GRIK1: variants seen among roughly 807,000 people sequenced by gnomAD.
The protein encoded by GRIK1 is glutamate receptor ionotropic, kainate 1.
A neutral mutation model predicts 105.7 loss-of-function variants in GRIK1; 69 were observed. The ratio of observed to expected loss-of-function variants is 0.65; its 90% CI spans 0.54 to 0.80. The LOEUF (loss-of-function observed/expected upper bound fraction) is 0.80, where lower values mean the gene tolerates loss of function less well. Ranked by LOEUF, GRIK1 falls within the 30% of genes least tolerant of loss-of-function variation. GRIK1 has a pLI of 0.00. For missense variants in GRIK1, 1,109 were observed against 1,167.3 expected (o/e 0.95, Z 0.73); for synonymous variants, 438 against 431.3 (o/e 1.02, Z -0.19).
At chr21:29,669,622 G>A (rs574080601) in intron 4 of GRIK1, among the ~76,000 whole-genome samples, 2 of 152,236 alleles carry the variant, frequency 1.3e-5, no homozygotes, top group South Asian at 4.2e-4. Flanking sequence ...GACCTTATAT[G>A]GGTCACTTAT....
chr21:29,560,380 C>CTTT (rs1568813803), intron 15 of GRIK1, among the ~76,000 whole-genome samples: 7 of 51,602 alleles, frequency 1.4e-4, no homozygotes, highest in African/African-American at 2.0e-4. Flanking sequence ...TTCCTTCCTT[C>CTTT]CTTCCTTCCT....
chr21:29,874,068 G>C (rs1435977774), intron 1 of GRIK1, among the ~76,000 whole-genome samples: 1 of 152,188 alleles, frequency 6.6e-6, no homozygotes, highest in Admixed American at 6.5e-5. Flanking sequence ...GATACTGCGA[G>C]TGACGGGGAC....
At chr21:29,628,364 C>T (rs1001380440) in intron 7 of GRIK1, among the ~76,000 whole-genome samples, 5 of 152,156 alleles carry the variant, frequency 3.3e-5, no homozygotes, top group Non-Finnish European at 7.4e-5. Context: ...ATTATTTTAA[C>T]TATTATGTGT....
chr21:29,857,206 A>T (rs2146075577), intron 1 of GRIK1, among the ~76,000 whole-genome samples: 1 of 152,336 alleles, frequency 6.6e-6, no homozygotes, highest in East Asian at 1.9e-4. Flanking sequence ...GAAAGCTATC[A>T]TGGTAGCCCA....
At chr21:29,575,348 A>G (rs1450588816) in intron 14 of GRIK1, among the ~76,000 whole-genome samples, 2 of 152,124 alleles carry the variant, frequency 1.3e-5, no homozygotes, top group Non-Finnish European at 2.9e-5. Context: ...GACAGATGAG[A>G]AATTACTTAA....
In GRIK1 at chr21:29,705,599, G is replaced by A. The variant is rs564074086; in HGVS notation, c.119-11536C>T. Among the ~76,000 whole-genome samples, 85 of 152,278 alleles carry A rather than the reference G, an allele frequency of 5.6e-4. 1 individual carries two copies. The highest frequency in any genetic ancestry group is 1.1e-3 in the Non-Finnish European group (72 of 68,018). ...ATATTGTTCTTGTGCTAATTTTAAT[G>A]AAAAGTTAGACATCAGGTTCTTGAT... On this transcript the variant is annotated intron_variant, in intron 1 of 17. Coordinates refer to ENST00000327783, the MANE Select transcript of GRIK1 (RefSeq NM_001330994.2).
intron 7 of GRIK1, among the ~76,000 whole-genome samples, chr21:29,604,047 A>G (rs1185672083): frequency 6.6e-6 from 1 of 152,164 alleles, no homozygotes; most frequent in East Asian, 1.9e-4. Context: ...TTTATCTCTT[A>G]GGGGAGCATA....
chr21:29,874,780 C>T (rs377466119), intron 1 of GRIK1, among the ~76,000 whole-genome samples: 1 of 152,116 alleles, frequency 6.6e-6, no homozygotes, highest in Non-Finnish European at 1.5e-5. Flanking sequence ...ATGTGAGAGA[C>T]AGAATAAAGC....
chr21:29,680,809 TAGA>T (rs779344527), intron 3 of GRIK1, among the ~76,000 whole-genome samples: 22 of 152,132 alleles, frequency 1.4e-4, no homozygotes, highest in Admixed American at 6.5e-5. Flanking sequence ...CAGACAAATA[TAGA>T]AGAAGTGCTT....
chr21:29,695,455 T>C (rs1010531573), intron 1 of GRIK1, among the ~76,000 whole-genome samples: 2 of 143,968 alleles, frequency 1.4e-5, no homozygotes, highest in Non-Finnish European at 3.1e-5. Flanking sequence ...TATCTATCTA[T>C]CTATCTATCT....
chr21:29,805,992 T>G (rs899113509), intron 1 of GRIK1, among the ~76,000 whole-genome samples: 1 of 151,986 alleles, frequency 6.6e-6, no homozygotes, highest in Non-Finnish European at 1.5e-5. Context: ...AATCACAGAG[T>G]AATAAAAAAC....
At position 29,938,905 on chromosome 21, in the gene GRIK1, C is replaced by T. The variant is rs189168911; in HGVS notation, c.118+478G>A. ...CTGGGGTAACAGGCTCTAGGATATT[C>T]CCACATCCCTAGTGGTCCCTGTATT... On this transcript the variant is annotated intron_variant, in intron 1 of 17. Coordinates refer to ENST00000327783, the MANE Select transcript of GRIK1 (RefSeq NM_001330994.2). Among the ~76,000 whole-genome samples the T allele has an allele frequency of 3.7e-3, 564 of 152,238 alleles. 7 individuals are homozygous for T. Among genetic ancestry groups the T allele is most frequent in the Admixed American group, 3.6e-3 (55 of 15,294 alleles).
chr21:29,938,225 T>A (rs551830691), intron 1 of GRIK1, among the ~76,000 whole-genome samples: 30 of 152,322 alleles, frequency 2.0e-4, no homozygotes, highest in Non-Finnish European at 4.3e-4. Context: ...GCTCCTGGCA[T>A]ATTCTGTTAG....
At chr21:29,836,721 A>G (rs774940768) in intron 1 of GRIK1, among the ~76,000 whole-genome samples, 1 of 152,206 alleles carries the variant, frequency 6.6e-6, no homozygotes, top group African/African-American at 2.4e-5. Flanking sequence ...ATCTCACATC[A>G]TGAGAAATCA....
intron 1 of GRIK1, among the ~76,000 whole-genome samples, chr21:29,742,383 C>A (rs185499643): frequency 6.6e-6 from 1 of 152,136 alleles, no homozygotes; most frequent in Non-Finnish European, 1.5e-5. Context: ...GGATTGGAGA[C>A]AAAGTGAGCA....
intron 1 of GRIK1, among the ~76,000 whole-genome samples, chr21:29,863,397 A>G (rs1308813052): frequency 1.3e-5 from 2 of 152,230 alleles, no homozygotes; most frequent in Non-Finnish European, 2.9e-5. Context: ...GTTAATAAAC[A>G]AAACTACAAG....
At position 29,588,838 on chromosome 21, in the gene GRIK1, C is replaced by G. The variant is rs1225355023; in HGVS notation, c.1569+1G>C. 8 of 1,497,340 alleles carry G rather than the reference C, an allele frequency of 5.3e-6. No individual in the cohort carries two copies. Among genetic ancestry groups the G allele is most frequent in the Non-Finnish European group, 7.4e-6 (8 of 1,074,892 alleles). 92.8% of individuals were successfully genotyped at this position (1,497,340 alleles called of 1,614,324 possible). The stretch of plus-strand genomic sequence containing the variant: ...GATATGTTAGAAATATTGTTACTTA[C>G]GTGATCTATGAGTTCTTTAACCATC... On this transcript the variant is annotated splice_donor_variant, in intron 11 of 17. Transcript: ENST00000327783. LOFTEE classifies it high-confidence loss of function.
chr21:29,638,358 A>G (rs917774016), intron 7 of GRIK1, among the ~76,000 whole-genome samples: 1 of 152,058 alleles, frequency 6.6e-6, no homozygotes, highest in African/African-American at 2.4e-5. Context: ...TATCACAAGA[A>G]CAGCATGGGG....
chr21:29,792,177 T>A (rs2066437216), intron 1 of GRIK1, among the ~76,000 whole-genome samples: 1 of 152,166 alleles, frequency 6.6e-6, no homozygotes, highest in Non-Finnish European at 1.5e-5. Context: ...TATGTGTATA[T>A]GTATATGTGT....
Sources: allele counts gnomAD v4.1 joint callset (sites outside exome capture counted in the v4.1 genomes callset), GRCh38; gene constraint gnomAD v4.1.1; transcripts MANE v1.5; gene names NCBI Gene and HGNC (gene_info 2026-07-23, HGNC 2026-07-21).